NWD1: variants seen among roughly 807,000 people sequenced by gnomAD.
The protein encoded by NWD1 is NACHT and WD repeat domain containing 1, also known as NACHT domain- and WD repeat-containing protein 1.
NWD1 carries 129 observed loss-of-function variants against 135.1 expected under a neutral mutation model. That is an observed-to-expected ratio of 0.96 (90% CI 0.83 to 1.11). NWD1 has a LOEUF of 1.11. Ranked by LOEUF, NWD1 falls within the 50% of genes least tolerant of loss-of-function variation. The pLI, the probability that NWD1 is intolerant of heterozygous loss-of-function variation, is 0.00. For synonymous variants in NWD1, 773 were observed against 786.0 expected (o/e 0.98, Z 0.28); for missense variants, 1,740 against 1,851.3 (o/e 0.94, Z 1.10).
rs1970650873 is a variant in NWD1 at position 16,803,104 on chromosome 19, AGT to A, written c.3736+2948_3736+2949del. On this transcript the variant is annotated intron_variant, in intron 17 of 18. Coordinates refer to ENST00000524140, the MANE Select transcript of NWD1 (RefSeq NM_001007525.5). Reference sequence around the variant, plus strand: ...CGTCTTACATGGTGGCAGGCAAGAGAGTGTGTGCAGGGGAATTGCCCTTTACA... The same window carrying A: ...CGTCTTACATGGTGGCAGGCAAGAGAGTGTGCAGGGGAATTGCCCTTTACA... 2.0e-5 allele frequency among the ~76,000 whole-genome samples: 3 copies of A among 152,256 alleles called. No homozygotes were observed. The South Asian group carries it at 6.2e-4, about 32-fold the overall frequency.
intron 2 of NWD1, among the ~76,000 whole-genome samples, chr19:16,730,805 G>T (rs1236617664): frequency 6.6e-6 from 1 of 151,972 alleles, no homozygotes; most frequent in Non-Finnish European, 1.5e-5. Flanking sequence ...GAGGTGGGAA[G>T]ATGGCTTGAG....
chr19:16,728,362 A>C (rs556221019), intron 2 of NWD1, among the ~76,000 whole-genome samples: 1 of 138,330 alleles, frequency 7.2e-6, no homozygotes, highest in African/African-American at 2.8e-5. Flanking sequence ...TGGACTCACT[A>C]TTACCTCTGT....
chr19:16,775,662 A>G lies in NWD1; in HGVS notation c.2608+2339A>G, dbSNP rs184200105. On this transcript the variant is annotated intron_variant, in intron 11 of 18. Coordinates refer to ENST00000524140, the MANE Select transcript of NWD1 (RefSeq NM_001007525.5). Reference sequence around the variant, plus strand: ...GGAAGCCTGGGAAATATGTTTTTATATTTTTATTTTTATTTTTACTTTTTA... The same window carrying G: ...GGAAGCCTGGGAAATATGTTTTTATGTTTTTATTTTTATTTTTACTTTTTA... Among the ~76,000 whole-genome samples the G allele has an allele frequency of 1.9e-3, 292 of 152,164 alleles. 1 individual carries two copies. The highest frequency in any genetic ancestry group is 3.9e-3 in the South Asian group (19 of 4,826).
At chr19:16,745,554 C>T (rs1009775984) in intron 5 of NWD1, among the ~76,000 whole-genome samples, 1 of 151,100 alleles carries the variant, frequency 6.6e-6, no homozygotes, top group Non-Finnish European at 1.5e-5. Context: ...TATAGTGACA[C>T]CTCATCTCTA....
intron 2 of NWD1, among the ~76,000 whole-genome samples, chr19:16,728,670 T>C (rs561409413): frequency 9.9e-5 from 15 of 151,108 alleles, no homozygotes; most frequent in East Asian, 4.0e-4. Context: ...GCAGGCCGGG[T>C]GCAGTGGCTC....
At chr19:16,735,112 A>G (rs2122718149) in intron 3 of NWD1, among the ~76,000 whole-genome samples, 1 of 152,152 alleles carries the variant, frequency 6.6e-6, no homozygotes, top group Non-Finnish European at 1.5e-5. Context: ...CTTACAGGAA[A>G]CGCATGGACA....
At chr19:16,795,276 C>T (rs1209772035) in intron 15 of NWD1, among the ~76,000 whole-genome samples, 2 of 152,242 alleles carry the variant, frequency 1.3e-5, no homozygotes, top group East Asian at 1.9e-4. Flanking sequence ...TAGGGTCCAG[C>T]TGGCTGCTTC....
chr19:16,725,807 C>A (rs1051885234), intron 2 of NWD1, among the ~76,000 whole-genome samples: 2 of 151,922 alleles, frequency 1.3e-5, no homozygotes, highest in Non-Finnish European at 2.9e-5. Context: ...TCTACCTTGG[C>A]CTCCCAAAGC....
chr19:16,787,093 G>A lies in NWD1; in HGVS notation c.2732-1889G>A, dbSNP rs146943338. Among the ~76,000 whole-genome samples, 761 of 151,940 alleles carry A rather than the reference G, an allele frequency of 5.0e-3. 5 individuals are homozygous for A. The highest frequency in any genetic ancestry group is 0.017 in the African/African-American group (699 of 41,462). ...CCCCTTTATGCCTTCCAAATTGTAC[G>A]TTTTGCTTAGCAAATAGCTCTCTAA... On this transcript the variant is annotated intron_variant, in intron 12 of 18. Transcript: ENST00000524140.
At chr19:16,785,858 C>CT (rs1328380708) in intron 12 of NWD1, among the ~76,000 whole-genome samples, 3 of 150,040 alleles carry the variant, frequency 2.0e-5, no homozygotes, top group Admixed American at 6.7e-5. Context: ...TCCATTGACT[C>CT]TTTTTTTTAA....
Position 16,763,831 on chromosome 19 carries a change from G to A in NWD1, c.2137G>A (p.Ala713Thr), listed in dbSNP as rs1268256415. Residue 713 changes from alanine to threonine, a missense_variant, in exon 9 of 19, where the codon GCC (alanine) becomes ACC (threonine). Physicochemically the swap from Ala to Thr is moderately conservative, Grantham distance 58 (BLOSUM62 0). Coordinates refer to ENST00000524140, the MANE Select transcript of NWD1 (RefSeq NM_001007525.5). ...AGTCTCCCTTCTCCTCTGCCAGGTG[G>A]CCCCGCAGCCTCTGTGGTTCTCACA... Reference protein sequence around the residue: ...GKPLNLDRKVAPQPLWFSHTV... With the variant: ...GKPLNLDRKVTPQPLWFSHTV... The A allele has an allele frequency of 6.2e-7, 1 of 1,609,060 alleles. No individual in the cohort carries two copies. The highest frequency in any genetic ancestry group is 8.5e-7 in the Non-Finnish European group (1 of 1,175,692).
intron 14 of NWD1, 106 bp from the exon 15 acceptor site, chr19:16,794,357 C>G (rs1404547618): frequency 3.2e-6 from 2 of 632,994 alleles, no homozygotes; most frequent in African/African-American, 3.7e-5. Flanking sequence ...CAGAGTGAGA[C>G]TCCATCTCAA....
At chr19:16,788,435 G>A (rs1970130803) in intron 12 of NWD1, among the ~76,000 whole-genome samples, 2 of 150,948 alleles carry the variant, frequency 1.3e-5, no homozygotes, top group South Asian at 2.1e-4. Context: ...CAGGCATGGC[G>A]GCAGGTGCCT....
intron 2 of NWD1, among the ~76,000 whole-genome samples, chr19:16,729,995 C>T (rs1377772151): frequency 6.6e-6 from 1 of 152,114 alleles, no homozygotes; most frequent in African/African-American, 2.4e-5. Flanking sequence ...CGTGTGTTTT[C>T]AATAGCACTC....
intron 2 of NWD1, chr19:16,727,606 T>A (rs1599419160): frequency 6.6e-6 from 1 of 152,628 alleles, no homozygotes; most frequent in Admixed American, 6.6e-5. Flanking sequence ...TTCTGCGGGG[T>A]GAAGCCGGCC....
chr19:16,805,258 C>T (rs530752122), intron 17 of NWD1, among the ~76,000 whole-genome samples: 15 of 151,836 alleles, frequency 9.9e-5, no homozygotes, highest in African/African-American at 3.6e-4. Context: ...GGGGTTTCAC[C>T]GTGTTGGCCA....
rs547313811 is a variant in NWD1, at chr19:16,815,028, G to A, written c.4288G>A (p.Ala1430Thr). 1.2e-6 allele frequency: 2 copies of A among 1,613,574 alleles called. No homozygotes were observed. Among genetic ancestry groups the A allele is most frequent in the Admixed American group, 3.3e-5 (2 of 59,976 alleles). Reference protein sequence around the residue: ...RKWKFEMSYTAPC With the variant: ...RKWKFEMSYTTPC ...TGTGTCCTTCTCTTCACCCTTACAG[G>A]CACCCTGCTGACAGTCCAGTTTGTC... The change falls in exon 19 of 19, where the codon GCA becomes ACA. Residue 1430 changes from alanine to threonine, a missense_variant and splice_region_variant. Ala to Thr is a moderately conservative substitution (Grantham distance 58). Coordinates refer to ENST00000524140, the MANE Select transcript of NWD1 (RefSeq NM_001007525.5).
rs760650836 is a variant in NWD1 at position 16,812,897 on chromosome 19, G to C, written c.4288-2131G>C. The C allele has an allele frequency of 7.7e-6, 6 of 780,220 alleles. No homozygotes were observed. The South Asian group carries it at 8.0e-5, about 10-fold the overall frequency. 48.3% of individuals were successfully genotyped at this position (780,220 alleles called of 1,614,324 possible). A position where few individuals can be genotyped will look rare whatever the true frequency, so the allele number is the denominator to read the frequency against. On this transcript the variant is annotated intron_variant, in intron 18 of 18. Transcript: ENST00000524140. ...GCAGGATTGAGCTTCGATCTGGAGAGAAAAGGCTCTGACCTGGGTCCTGGG... is the reference window on the plus strand; with the variant it reads ...GCAGGATTGAGCTTCGATCTGGAGACAAAAGGCTCTGACCTGGGTCCTGGG...
At chr19:16,794,043 A>G (rs1970338395) in intron 14 of NWD1, among the ~76,000 whole-genome samples, 1 of 152,102 alleles carries the variant, frequency 6.6e-6, no homozygotes, top group Admixed American at 6.6e-5. Context: ...ACAGGGGTGT[A>G]CCACCATGCC....
Sources: allele counts gnomAD v4.1 joint callset (sites outside exome capture counted in the v4.1 genomes callset), GRCh38; gene constraint gnomAD v4.1.1; transcripts MANE v1.5; gene names NCBI Gene and HGNC (gene_info 2026-07-23, HGNC 2026-07-21).